The following MAGI3 variants were observed in gnomAD, a reference collection of about 807,000 sequenced individuals.
The protein encoded by MAGI3 is membrane associated guanylate kinase, WW and PDZ domain containing 3.
Under a neutral mutation model 121.8 loss-of-function variants are expected in MAGI3, and 43 were observed. The observed-to-expected ratio is 0.35, with a 90% confidence interval of 0.28 to 0.46. The LOEUF is 0.46. Ranked by LOEUF, MAGI3 falls within the 20% of genes least tolerant of loss-of-function variation. The pLI, the probability that MAGI3 is intolerant of heterozygous loss-of-function variation, is 1.00. For missense variants in MAGI3, 1,547 were observed against 1,797.3 expected (o/e 0.86, Z 2.52); for synonymous variants, 553 against 639.3 (o/e 0.86, Z 2.04).
chr1:113,471,307 C>G lies in MAGI3; in HGVS notation c.317-78208C>G, dbSNP rs550750056. Reference sequence around the variant, plus strand: ...CCACAATGGTATGAACCTAGAATCACTAACAGGAAGAAAATTGAAAAACTC... The same window carrying G: ...CCACAATGGTATGAACCTAGAATCAGTAACAGGAAGAAAATTGAAAAACTC... On this transcript the variant is annotated intron_variant, in intron 1 of 20. Transcript: ENST00000307546. Among the ~76,000 whole-genome samples the G allele has an allele frequency of 4.4e-4, 67 of 152,204 alleles. 2 individuals carry two copies. In the South Asian group the frequency reaches 0.014, roughly 31 times the overall value.
At chr1:113,609,577 A>T (rs893786921) in intron 6 of MAGI3, among the ~76,000 whole-genome samples, 3 of 152,244 alleles carry the variant, frequency 2.0e-5, no homozygotes, top group Non-Finnish European at 4.4e-5. Flanking sequence ...TGAAAGAAAG[A>T]TTAAATTTTT....
chr1:113,652,840 G>T (rs1653249532), intron 14 of MAGI3, among the ~76,000 whole-genome samples: 1 of 152,174 alleles, frequency 6.6e-6, no homozygotes, highest in Non-Finnish European at 1.5e-5. Flanking sequence ...TCATTCTCAA[G>T]TTCTGATGTC....
intron 2 of MAGI3, among the ~76,000 whole-genome samples, chr1:113,573,172 G>T (rs552537016): frequency 6.6e-6 from 1 of 152,198 alleles, no homozygotes; most frequent in East Asian, 1.9e-4. Flanking sequence ...TGATCTGCCT[G>T]CCTCAGCCTC....
chr1:113,613,467 A>G (rs1650279083), intron 6 of MAGI3, among the ~76,000 whole-genome samples: 1 of 152,144 alleles, frequency 6.6e-6, no homozygotes, highest in Non-Finnish European at 1.5e-5. Context: ...CTTAGAGTAA[A>G]ACAGTATAGC....
At chr1:113,602,495 G>A (rs1570928374) in intron 6 of MAGI3, among the ~76,000 whole-genome samples, 1 of 152,122 alleles carries the variant, frequency 6.6e-6, no homozygotes, top group East Asian at 1.9e-4. Context: ...GCACTAAATT[G>A]CTACATCAAA....
chr1:113,551,422 A>T (rs12730675), intron 2 of MAGI3, among the ~76,000 whole-genome samples: 6 of 152,088 alleles, frequency 3.9e-5, no homozygotes, highest in Non-Finnish European at 8.8e-5. Flanking sequence ...CTTGTCCAAA[A>T]TCTATAGTTT....
At chr1:113,530,858 G>T (rs1255157733) in intron 1 of MAGI3, among the ~76,000 whole-genome samples, 1 of 152,100 alleles carries the variant, frequency 6.6e-6, no homozygotes, top group East Asian at 1.9e-4. Context: ...CGAGGCTGCC[G>T]TAAGCTGTGA....
chr1:113,535,315 C>T (rs1658920948), intron 1 of MAGI3, among the ~76,000 whole-genome samples: 1 of 151,788 alleles, frequency 6.6e-6, no homozygotes, highest in Admixed American at 6.6e-5. Flanking sequence ...AAAAACCTCT[C>T]AATAGAAAGT....
chr1:113,410,805 G>A (rs1651935571), intron 1 of MAGI3, among the ~76,000 whole-genome samples: 1 of 152,040 alleles, frequency 6.6e-6, no homozygotes, highest in Non-Finnish European at 1.5e-5. Context: ...TGCCTAAGTA[G>A]TTACATGGCC....
intron 1 of MAGI3, among the ~76,000 whole-genome samples, chr1:113,431,672 T>C (rs972289473): frequency 1.3e-5 from 2 of 152,174 alleles, no homozygotes; most frequent in Non-Finnish European, 2.9e-5. Context: ...ATGTAAGATC[T>C]TTTCAGAGAA....
At chr1:113,559,084 A>C (rs754093715) in intron 2 of MAGI3, among the ~76,000 whole-genome samples, 3 of 152,202 alleles carry the variant, frequency 2.0e-5, no homozygotes, top group African/African-American at 7.2e-5. Context: ...ATCATTACCA[A>C]CCACTACAAA....
intron 1 of MAGI3, among the ~76,000 whole-genome samples, chr1:113,478,207 C>T (rs1351069946): frequency 2.0e-5 from 3 of 151,772 alleles, no homozygotes; most frequent in South Asian, 2.1e-4. Context: ...TTGTTATTAC[C>T]GACCTTCTGA....
intron 6 of MAGI3, among the ~76,000 whole-genome samples, chr1:113,610,320 C>G (rs925109199): frequency 3.3e-5 from 5 of 152,026 alleles, no homozygotes; most frequent in African/African-American, 1.2e-4. Context: ...TACACCATTC[C>G]CCCTGATGAT....
intron 1 of MAGI3, among the ~76,000 whole-genome samples, chr1:113,431,194 T>C (rs965427047): frequency 6.6e-6 from 1 of 152,182 alleles, no homozygotes; most frequent in African/African-American, 2.4e-5. Context: ...GGTGTATGCC[T>C]ATAGTGCTAG....
chr1:113,493,971 C>G (rs930633469), intron 1 of MAGI3, among the ~76,000 whole-genome samples: 2 of 152,146 alleles, frequency 1.3e-5, no homozygotes, highest in African/African-American at 4.8e-5. Flanking sequence ...GGCAATTCCT[C>G]AGAGACCTAA....
chr1:113,640,205 G>T (rs996544110), intron 9 of MAGI3, among the ~76,000 whole-genome samples: 1 of 152,200 alleles, frequency 6.6e-6, no homozygotes, highest in African/African-American at 2.4e-5. Context: ...AGTCAGAATG[G>T]TGATTATTAA....
chr1:113,625,399 G>T (rs186214165), intron 9 of MAGI3, among the ~76,000 whole-genome samples: 223 of 152,204 alleles, frequency 1.5e-3, no homozygotes, highest in African/African-American at 5.2e-3. Context: ...AATTTTTAAT[G>T]CAGAGATCTT....
chr1:113,643,281 A>G (rs1257333393), intron 10 of MAGI3, among the ~76,000 whole-genome samples: 1 of 152,226 alleles, frequency 6.6e-6, no homozygotes, highest in Admixed American at 6.5e-5. Flanking sequence ...TATTGAGGCA[A>G]ACGAGCACTT....
chr1:113,488,205 T>G (rs1030308507), intron 1 of MAGI3, among the ~76,000 whole-genome samples: 2 of 152,254 alleles, frequency 1.3e-5, no homozygotes, highest in African/African-American at 4.8e-5. Context: ...ATTCTGTATA[T>G]GCTCAGAGAA....
Sources: gnomAD v4.1 joint callset for allele counts (sites outside exome capture counted in the v4.1 genomes callset) on GRCh38, gnomAD v4.1.1 for gene constraint, MANE v1.5 for transcripts, NCBI Gene and HGNC (gene_info 2026-07-23, HGNC 2026-07-21) for gene names.